The following MYO18B variants were observed in gnomAD, a reference collection of about 807,000 sequenced individuals.
MYO18B encodes myosin XVIIIB, also known as unconventional myosin-XVIIIb.
Under a neutral mutation model 273.0 loss-of-function variants are expected in MYO18B, and 204 were observed. The observed-to-expected ratio is 0.75, with a 90% CI of 0.67 to 0.84. MYO18B has a LOEUF of 0.84. Among genes scored for constraint, MYO18B ranks in the 40% least tolerant of loss-of-function variants. The probability of loss-of-function intolerance (pLI) is 0.00; values close to 1 mark genes in which losing one functional copy is unlikely to be tolerated. For missense variants in MYO18B, 3,212 were observed against 3,287.6 expected (o/e 0.98, Z 0.56); for synonymous variants, 1,330 against 1,305.7 (o/e 1.02, Z -0.40).
chr22:25,760,437 CA>C (rs1301483365), intron 1 of MYO18B, among the ~76,000 whole-genome samples: 1 of 96,066 alleles, frequency 1.0e-5, no homozygotes, highest in African/African-American at 4.3e-5. Flanking sequence ...AAAAAAAACA[CA>C]AAAACAAATA....
intron 20 of MYO18B, among the ~76,000 whole-genome samples, chr22:25,848,060 C>T (rs1156818573): frequency 1.3e-5 from 2 of 151,958 alleles, no homozygotes; most frequent in Non-Finnish European, 2.9e-5. Context: ...TTGAAAAAGC[C>T]CATATTATTT....
chr22:25,769,398 C>CA lies in MYO18B; in HGVS notation c.1485dup (p.Gly496ArgfsTer12). 5.8e-6 allele frequency: 9 copies of CA among 1,562,196 alleles called. No homozygotes were observed. Among genetic ancestry groups the CA allele is most frequent in the Non-Finnish European group, 7.8e-6 (9 of 1,154,258 alleles). On this transcript the variant is annotated frameshift_variant, in exon 4 of 44. Coordinates refer to ENST00000335473, the MANE Select transcript of MYO18B (RefSeq NM_032608.7). LOFTEE classifies it high-confidence loss of function. ...ACGGGCCAGCCCCGCAGGAGGAGGGCAAAGGAGGCCAGAGCAGAGACTCAG... is the reference window on the plus strand; with the variant it reads ...ACGGGCCAGCCCCGCAGGAGGAGGGCAAAAGGAGGCCAGAGCAGAGACTCAG...
chr22:26,035,159 C>T (rs1936755171), downstream of MYO18B, among the ~76,000 whole-genome samples: 1 of 151,990 alleles, frequency 6.6e-6, no homozygotes, highest in African/African-American at 2.4e-5. Context: ...ATGAGTATTG[C>T]CAGGGAAGAA....
intron 35 of MYO18B, among the ~76,000 whole-genome samples, chr22:25,947,425 T>C (rs1323750011): frequency 6.8e-6 from 1 of 147,556 alleles, no homozygotes; most frequent in African/African-American, 2.5e-5. Flanking sequence ...CCAAGTGGGA[T>C]TGCACAGACA....
chr22:25,874,830 G>C (rs1359676006), intron 23 of MYO18B, among the ~76,000 whole-genome samples: 1 of 152,156 alleles, frequency 6.6e-6, no homozygotes, highest in Admixed American at 6.5e-5. Flanking sequence ...TTTCCTCTCT[G>C]TAGCTGCACA....
intron 20 of MYO18B, among the ~76,000 whole-genome samples, chr22:25,848,065 T>A (rs1873614990): frequency 6.6e-6 from 1 of 152,192 alleles, no homozygotes; most frequent in South Asian, 2.1e-4. Context: ...AAAGCCCATA[T>A]TATTTCTAGA....
Position 25,774,877 on chromosome 22 carries a change from C to T in MYO18B, c.1869+2367C>T, listed in dbSNP as rs79414906. On this transcript the variant is annotated intron_variant, in intron 7 of 43. Transcript: ENST00000335473. ...GGTGAGTTTGAGCATGGGTGCGACC[C>T]CGTGGGTAGAGGTGGATCCCATCTC... Among the ~76,000 whole-genome samples the T allele has an allele frequency of 1.7e-3, 262 of 152,312 alleles. 1 individual carries two copies. Among genetic ancestry groups the T allele is most frequent in the African/African-American group, 6.2e-3 (257 of 41,566 alleles).
chr22:25,782,393 A>C (rs532707974), intron 10 of MYO18B, among the ~76,000 whole-genome samples: 1 of 152,176 alleles, frequency 6.6e-6, no homozygotes, highest in Admixed American at 6.5e-5. Flanking sequence ...TGCCTACATG[A>C]GGTTCCTCAG....
chr22:26,017,962 GTTTTGTTTTTTT>G (rs138013948), intron 42 of MYO18B, among the ~76,000 whole-genome samples: 40,486 of 117,950 alleles, frequency 0.34, 6,798 homozygotes, highest in East Asian at 0.67. Flanking sequence ...CAATTTTACT[GTTTTGTTTTTTT>G]TTTTTTTTTT....
Position 25,989,784 on chromosome 22 carries a change from AAAAAG to A in MYO18B, c.6157-2577_6157-2573del, listed in dbSNP as rs2093244337. Among the ~76,000 whole-genome samples, 4 of 151,572 alleles carry A rather than the reference AAAAAG, an allele frequency of 2.6e-5. No homozygotes were observed. In the South Asian group the frequency reaches 8.4e-4, roughly 32 times the overall value. ...CTCCGTCTCAAAAAAAAAAAAAAAA[AAAAAG>A]AGTGGAGCCTGGGCAGATGCTCCCA... On this transcript the variant is annotated intron_variant, in intron 39 of 43. Coordinates refer to ENST00000335473, the MANE Select transcript of MYO18B (RefSeq NM_032608.7).
In MYO18B at chr22:25,777,703, G is replaced by A. The variant is rs547076224; in HGVS notation, c.1990G>A (p.Ala664Thr). Residue 664 changes from alanine to threonine, a missense_variant, in exon 8 of 44, where the codon GCT becomes ACT. Physicochemically the swap from Ala to Thr is moderately conservative, Grantham distance 58 (BLOSUM62 0). Transcript: ENST00000335473. ...QSIVALGWSGAGKTTCCEQVL... is the reference protein window; with the variant it reads ...QSIVALGWSGTGKTTCCEQVL... ...CATTGTGGCCCTGGGCTGGAGTGGCGCTGGGAAGACCACCTGCTGTGAGCA... is the reference window on the plus strand; with the variant it reads ...CATTGTGGCCCTGGGCTGGAGTGGCACTGGGAAGACCACCTGCTGTGAGCA... 130 of 1,612,698 alleles carry A rather than the reference G, an allele frequency of 8.1e-5. 1 individual carries two copies. The South Asian group carries it at 9.2e-4, about 11-fold the overall frequency.
At chr22:26,048,642 C>G in the MYO18B span, among the ~76,000 whole-genome samples, 1 of 152,100 alleles carries the variant, frequency 6.6e-6, no homozygotes, top group Non-Finnish European at 1.5e-5. Context: ...ACCTACAGGA[C>G]TATAAGCACA....
chr22:25,844,549 A>T (rs73879569), intron 18 of MYO18B, among the ~76,000 whole-genome samples: 3,648 of 152,310 alleles, frequency 0.024, 104 homozygotes, highest in East Asian at 0.11. Flanking sequence ...TAAACGCTTT[A>T]TGAGTATCTT....
chr22:26,051,830 A>AAATT, the MYO18B span, among the ~76,000 whole-genome samples: 1 of 152,248 alleles, frequency 6.6e-6, no homozygotes, highest in Admixed American at 6.5e-5. Context: ...TTACAAAAAC[A>AAATT]AATTTGAGCA....
At chr22:25,874,878 AT>A (rs1289203924) in intron 23 of MYO18B, among the ~76,000 whole-genome samples, 25 of 152,224 alleles carry the variant, frequency 1.6e-4, no homozygotes, top group Non-Finnish European at 4.4e-5. Flanking sequence ...AACAAGTATT[AT>A]ATATGTTCGA....
chr22:25,814,339 A>T (rs2088909163), intron 12 of MYO18B, among the ~76,000 whole-genome samples: 5 of 41,582 alleles, frequency 1.2e-4, no homozygotes, highest in East Asian at 7.6e-4. Context: ...TTTTTTTTTG[A>T]GACAGAGTTT....
At chr22:25,931,570 G>A (rs555524608) in intron 34 of MYO18B, among the ~76,000 whole-genome samples, 4 of 152,190 alleles carry the variant, frequency 2.6e-5, no homozygotes, top group African/African-American at 9.6e-5. Context: ...GAGTGTGACT[G>A]TATACAGCAA....
At position 25,898,366 on chromosome 22, in the gene MYO18B, G is replaced by A. The variant is rs1257038016; in HGVS notation, c.4728G>A (p.Arg1576=). The A allele has an allele frequency of 1.2e-6, 2 of 1,613,810 alleles. No homozygotes were observed. The highest frequency in any genetic ancestry group is 1.7e-6 in the Non-Finnish European group (2 of 1,179,870). ...GAKKMAHQLK[R]KCHHLTCDLE... ...AGAAGATGGCTCACCAACTGAAGAG[G>A]AAGTGCCACCATCTTACCTGTGACC... The change falls in exon 29 of 44, where the codon AGG becomes AGA. Residue 1576 remains arginine (R), a synonymous_variant. Transcript: ENST00000335473.
At chr22:25,948,497 T>TTCC (rs2146607073) in intron 36 of MYO18B, among the ~76,000 whole-genome samples, 10 of 131,882 alleles carry the variant, frequency 7.6e-5, no homozygotes, top group African/African-American at 2.5e-4. Context: ...TCTTTCTTTC[T>TTCC]TTCCTCTCTT....
Sources: allele counts gnomAD v4.1 joint callset (sites outside exome capture counted in the v4.1 genomes callset), GRCh38; gene constraint gnomAD v4.1.1; transcripts MANE v1.5; gene names NCBI Gene and HGNC (gene_info 2026-07-23, HGNC 2026-07-21).